EVC2: variants seen among roughly 807,000 people sequenced by gnomAD.
The protein encoded by EVC2 is EvC ciliary complex subunit 2.
In EVC2, 148 loss-of-function variants were observed where a neutral mutation model predicts 149.3. The observed-to-expected ratio is 0.99, with a 90% CI of 0.87 to 1.14. The LOEUF is 1.14. EVC2 is among the 50% of genes most tolerant of loss of function. The pLI, the probability that EVC2 is intolerant of heterozygous loss-of-function variation, is 0.00. For missense variants in EVC2, 1,854 were observed against 1,627.3 expected, an observed-to-expected ratio of 1.14 and a Z score of -2.40; for synonymous variants, 776 against 649.9, an observed-to-expected ratio of 1.19 and a Z score of -2.95.
At chr4:5,615,310 T>C (rs1715159113) in intron 16 of EVC2, 112 bp downstream of exon 16, 4 of 1,547,984 alleles carry the variant, frequency 2.6e-6, no homozygotes, top group Non-Finnish European at 3.5e-6. Flanking sequence ...AGCGGTTGGG[T>C]GGAGATGGAT....
At chr4:5,655,846 G>A (rs1577214310) in intron 9 of EVC2, among the ~76,000 whole-genome samples, 1 of 151,984 alleles carries the variant, frequency 6.6e-6, no homozygotes. Context: ...GGGAAAGAGA[G>A]GGGCATTATT....
At chr4:5,641,206 G>T (rs901928146) in intron 9 of EVC2, among the ~76,000 whole-genome samples, 7 of 152,058 alleles carry the variant, frequency 4.6e-5, no homozygotes, top group African/African-American at 1.7e-4. Context: ...ATCAATTTAT[G>T]GACATGACTA....
At chr4:5,673,703 TA>T (rs1560214246) in intron 7 of EVC2, among the ~76,000 whole-genome samples, 1 of 152,218 alleles carries the variant, frequency 6.6e-6, no homozygotes, top group Non-Finnish European at 1.5e-5. Context: ...CGATGCTGGA[TA>T]AACAGGCCTT....
chr4:5,696,678 G>T lies in EVC2; in HGVS notation c.283+915C>A, dbSNP rs1333307466. 6.6e-6 allele frequency among the ~76,000 whole-genome samples: 1 copy of T among 152,198 alleles called. No individual in the cohort carries two copies. The highest frequency in any genetic ancestry group is 1.5e-5 in the Non-Finnish European group (1 of 68,036). ...GGGCGGCTGAGAGGGAAGGAGAAAG[G>T]CAGAGCCGTAGGAGCATTGAGAACC... On this transcript the variant is annotated intron_variant, in intron 2 of 21. Transcript: ENST00000344408. The surrounding 1 kb of genome is among the most constrained non-coding windows in gnomAD (Gnocchi z 4.1).
chr4:5,620,752 G>A (rs1715629989), intron 14 of EVC2, among the ~76,000 whole-genome samples: 3 of 152,136 alleles, frequency 2.0e-5, no homozygotes, highest in South Asian at 4.1e-4. Context: ...GGCTAAATCA[G>A]CAGTTGCTTT....
intron 12 of EVC2, among the ~76,000 whole-genome samples, chr4:5,627,101 C>G (rs764129743): frequency 5.3e-5 from 8 of 152,116 alleles, no homozygotes; most frequent in East Asian, 1.9e-4. Flanking sequence ...CTGGAGTACC[C>G]TGACGAGTAC....
chr4:5,541,720 G>C (rs775825517), downstream of EVC2, among the ~76,000 whole-genome samples: 3 of 152,152 alleles, frequency 2.0e-5, no homozygotes, highest in Non-Finnish European at 4.4e-5. Context: ...GGGCAGGTCA[G>C]TTATCATCTC....
chr4:5,700,644 C>T (rs911300111), intron 1 of EVC2, among the ~76,000 whole-genome samples: 1 of 152,190 alleles, frequency 6.6e-6, no homozygotes, highest in Admixed American at 6.5e-5. Flanking sequence ...CTGGGCATCT[C>T]TGATTCTTGT....
rs201821393 is a variant in EVC2, at chr4:5,706,441, G to GATACATAC, written c.228+1844_228+1845insGTATGTAT. 7.0e-4 allele frequency among the ~76,000 whole-genome samples: 31 copies of GATACATAC among 44,568 alleles called. 6 individuals are homozygous for GATACATAC. Among genetic ancestry groups the GATACATAC allele is most frequent in the South Asian group, 1.5e-3 (2 of 1,304 alleles). The allele number at this position is 44,568 out of a possible 152,430, so 29.2% of individuals were successfully genotyped here. A position where few individuals can be genotyped will look rare whatever the true frequency, so the allele number is the denominator to read the frequency against. Reference sequence around the variant, plus strand: ...AGATAGATAGATACATAGATAGATAGATAGATACATACATACATACATACA... The same window carrying GATACATAC: ...AGATAGATAGATACATAGATAGATAGATACATACATAGATACATACATACATACATACA... On this transcript the variant is annotated intron_variant, in intron 1 of 21. Transcript: ENST00000344408.
At chr4:5,707,527 C>T (rs1722289865) in intron 1 of EVC2, among the ~76,000 whole-genome samples, 1 of 152,024 alleles carries the variant, frequency 6.6e-6, no homozygotes, top group South Asian at 2.1e-4. Context: ...GGCAGAATGT[C>T]TACCAGGACA....
chr4:5,611,914 G>A (rs1714852126), intron 16 of EVC2, among the ~76,000 whole-genome samples: 2 of 152,176 alleles, frequency 1.3e-5, no homozygotes, highest in South Asian at 2.1e-4. Context: ...CTTCTTCCCA[G>A]ACTACATTAT....
At chr4:5,597,267 A>G (rs1713523007) in intron 16 of EVC2, among the ~76,000 whole-genome samples, 1 of 152,200 alleles carries the variant, frequency 6.6e-6, no homozygotes, top group Non-Finnish European at 1.5e-5. Context: ...ACAACCAAAA[A>G]AGAGAATTTT....
downstream of EVC2, among the ~76,000 whole-genome samples, chr4:5,537,937 A>G (rs960556645): frequency 6.6e-6 from 1 of 152,182 alleles, no homozygotes; most frequent in Non-Finnish European, 1.5e-5. Flanking sequence ...AACAAAGATA[A>G]GAGCAGATAT....
intron 9 of EVC2, among the ~76,000 whole-genome samples, chr4:5,649,763 G>A (rs1374085001): frequency 1.3e-5 from 2 of 152,114 alleles, no homozygotes; most frequent in African/African-American, 2.4e-5. Flanking sequence ...TATTCAATAC[G>A]AGTGAAACTG....
chr4:5,664,471 G>A (rs1376622695), intron 8 of EVC2, among the ~76,000 whole-genome samples: 4 of 152,148 alleles, frequency 2.6e-5, no homozygotes, highest in East Asian at 1.9e-4. Flanking sequence ...ATCCTGCTCC[G>A]ACATCAAAGC....
At position 5,618,733 on chromosome 4, in the gene EVC2, T is replaced by C; in HGVS notation, c.2502-51A>G. The C allele has an allele frequency of 2.6e-6, 4 of 1,529,236 alleles. No homozygotes were observed. The highest frequency in any genetic ancestry group is 1.2e-5 in the South Asian group (1 of 83,612). The allele number at this position is 1,529,236 out of a possible 1,614,324, so 94.7% of individuals were successfully genotyped here. A position where few individuals can be genotyped will look rare whatever the true frequency, so the allele number is the denominator to read the frequency against. On this transcript the variant is annotated intron_variant, in intron 14 of 21. Transcript: ENST00000344408. The surrounding 1 kb of genome is among the most constrained non-coding windows in gnomAD (Gnocchi z 4.4). Reference sequence around the variant, plus strand: ...CTTAACACAGAGAAAGCCTGGGGGCTGGGCTGGGGTGAAGAAGCCAGAGAT... The same window carrying C: ...CTTAACACAGAGAAAGCCTGGGGGCCGGGCTGGGGTGAAGAAGCCAGAGAT...
chr4:5,581,818 G>GC (rs1040422774), intron 17 of EVC2, among the ~76,000 whole-genome samples: 2 of 152,196 alleles, frequency 1.3e-5, no homozygotes, highest in African/African-American at 4.8e-5. Flanking sequence ...CAGGCCCAGT[G>GC]CCCCACTGCC....
At chr4:5,584,580 G>C (rs1026884754) in intron 17 of EVC2, 43 bp downstream of exon 17, 2 of 1,584,120 alleles carry the variant, frequency 1.3e-6, no homozygotes, top group African/African-American at 2.7e-5. Flanking sequence ...GTACCAGAAA[G>C]ACCCAGCTCT....
chr4:5,625,940 G>A lies in EVC2; in HGVS notation c.1887-32C>T. 3 of 1,613,028 alleles carry A rather than the reference G, an allele frequency of 1.9e-6. No individual in the cohort carries two copies. The highest frequency in any genetic ancestry group is 2.5e-6 in the Non-Finnish European group (3 of 1,179,848). On this transcript the variant is annotated intron_variant, in intron 12 of 21. Coordinates refer to ENST00000344408, the MANE Select transcript of EVC2 (RefSeq NM_147127.5). This position sits in a 1 kb window ranked among gnomAD's most constrained non-coding sequence, Gnocchi z 4.0. ...GGAAAGGATGTAAAGTTAGGAATGTGGTCTCCAAACTCACCTGTAGCTTAA... is the reference window on the plus strand; with the variant it reads ...GGAAAGGATGTAAAGTTAGGAATGTAGTCTCCAAACTCACCTGTAGCTTAA...
Sources: allele counts gnomAD v4.1 joint callset (sites outside exome capture counted in the v4.1 genomes callset), GRCh38; gene constraint gnomAD v4.1.1; non-coding constraint Gnocchi (gnomAD v3.1); transcripts MANE v1.5; gene names NCBI Gene and HGNC (gene_info 2026-07-23, HGNC 2026-07-21).